ZNF697: variants seen among roughly 807,000 people sequenced by gnomAD.
The protein encoded by ZNF697 is zinc finger protein 697.
Under a neutral mutation model 32.4 loss-of-function variants are expected in ZNF697, and 23 were observed. That is an observed-to-expected ratio of 0.71 (90% CI 0.51 to 1.01). The LOEUF is 1.01. ZNF697 is among the 50% of genes least tolerant of loss of function. The probability of loss-of-function intolerance (pLI) is 0.00; values close to 1 mark genes in which losing one functional copy is unlikely to be tolerated. For synonymous variants in ZNF697, 418 were observed against 337.2 expected, an observed-to-expected ratio of 1.24 and a Z score of -2.62; for missense variants, 930 against 794.0, an observed-to-expected ratio of 1.17 and a Z score of -2.06.
chr1:119,633,392 G>GTA (rs1491434316), intron 1 of ZNF697, among the ~76,000 whole-genome samples: 1 of 144,806 alleles, frequency 6.9e-6, no homozygotes, highest in East Asian at 2.0e-4. Context: ...GTGTGTGTGT[G>GTA]TATAGAGAGA....
At chr1:119,637,005 T>C (rs1389179612) in intron 1 of ZNF697, among the ~76,000 whole-genome samples, 1 of 152,218 alleles carries the variant, frequency 6.6e-6, no homozygotes, top group Non-Finnish European at 1.5e-5. Flanking sequence ...AGCTGCTTAC[T>C]TGGGCAGTGA....
chr1:119,633,334 TC>T (rs1648831505), intron 1 of ZNF697, among the ~76,000 whole-genome samples: 2 of 151,034 alleles, frequency 1.3e-5, no homozygotes, highest in Non-Finnish European at 2.9e-5. Flanking sequence ...TTAATCAGGG[TC>T]CTCCTAAGAG....
At chr1:119,630,006 T>A (rs1037309744) in intron 1 of ZNF697, among the ~76,000 whole-genome samples, 1 of 152,212 alleles carries the variant, frequency 6.6e-6, no homozygotes, top group Non-Finnish European at 1.5e-5. Context: ...CCTGGTTCAG[T>A]AAACCCTAAC....
At position 119,623,623 on chromosome 1, in the gene ZNF697, C is replaced by T. The variant is rs773473489; in HGVS notation, c.720G>A (p.Val240=). 13 of 1,494,388 alleles carry T rather than the reference C, an allele frequency of 8.7e-6. No homozygotes were observed. The South Asian group carries it at 1.6e-4, about 19-fold the overall frequency. 92.6% of individuals were successfully genotyped at this position (1,494,388 alleles called of 1,614,324 possible). A position where few individuals can be genotyped will look rare whatever the true frequency, so the allele number is the denominator to read the frequency against. The change falls in exon 3 of 3, where the codon GTG becomes GTA. Residue 240 remains valine, a synonymous_variant. Coordinates refer to ENST00000421812, the MANE Select transcript of ZNF697 (RefSeq NM_001080470.2). ...ECDAMVGMMG[V]GVAGGFGAGP... ...CGGCCCCGAAGCCCCCCGCCACACC[C>T]ACCCCCATCATGCCCACCATCGCGT... is the stretch of plus-strand genomic sequence containing the variant.
At chr1:119,624,745 C>T (rs587649195) in intron 2 of ZNF697, among the ~76,000 whole-genome samples, 2 of 152,214 alleles carry the variant, frequency 1.3e-5, no homozygotes, top group Admixed American at 1.3e-4. Flanking sequence ...CAGGCTCATG[C>T]CACCACGCCC....
chr1:119,635,602 C>T (rs1032813751), intron 1 of ZNF697, among the ~76,000 whole-genome samples: 10 of 152,130 alleles, frequency 6.6e-5, no homozygotes, highest in Non-Finnish European at 1.2e-4. Flanking sequence ...AATGCTTTAT[C>T]CCCAGGACAG....
chr1:119,635,216 A>C (rs1199965037), intron 1 of ZNF697, among the ~76,000 whole-genome samples: 1 of 152,206 alleles, frequency 6.6e-6, no homozygotes, highest in Non-Finnish European at 1.5e-5. Flanking sequence ...AGAACATAAT[A>C]AAATATCAGT....
intron 1 of ZNF697, among the ~76,000 whole-genome samples, chr1:119,633,738 T>C (rs927401898): frequency 6.6e-6 from 1 of 152,228 alleles, no homozygotes; most frequent in African/African-American, 2.4e-5. Context: ...CCATCATACA[T>C]ACTGTAGCTT....
At chr1:119,639,197 C>CCT (rs1649001626) in intron 1 of ZNF697, among the ~76,000 whole-genome samples, 1 of 152,122 alleles carries the variant, frequency 6.6e-6, no homozygotes, top group South Asian at 2.1e-4. Context: ...TTGACCCATC[C>CCT]CTCACCCCTT....
chr1:119,633,110 C>T (rs1648823026), intron 1 of ZNF697, among the ~76,000 whole-genome samples: 2 of 152,268 alleles, frequency 1.3e-5, no homozygotes, highest in African/African-American at 2.4e-5. Context: ...GAAATCCCTT[C>T]GTTTAACCTT....
At chr1:119,645,228 G>A (rs587770471) in intron 1 of ZNF697, among the ~76,000 whole-genome samples, 1 of 152,256 alleles carries the variant, frequency 6.6e-6, no homozygotes, top group Non-Finnish European at 1.5e-5. Flanking sequence ...TTTCACAATT[G>A]CAATGAATCA....
rs115397610 is a variant in ZNF697 at position 119,645,746 on chromosome 1, G to A, written c.-38+1945C>T. Among the ~76,000 whole-genome samples, 1,336 of 152,146 alleles carry A rather than the reference G, an allele frequency of 8.8e-3. 9 individuals are homozygous for A. Among genetic ancestry groups the A allele is most frequent in the Non-Finnish European group, 0.014 (966 of 68,024 alleles). ...TTATATTAACTCTACATAGTGTGTG[G>A]TACTGAGAAACCTGTTAAGGGGCAG... is the stretch of plus-strand genomic sequence containing the variant. On this transcript the variant is annotated intron_variant, in intron 1 of 2. Coordinates refer to ENST00000421812, the MANE Select transcript of ZNF697 (RefSeq NM_001080470.2).
chr1:119,629,256 T>C (rs971500216), intron 1 of ZNF697, among the ~76,000 whole-genome samples: 1 of 152,226 alleles, frequency 6.6e-6, no homozygotes, highest in African/African-American at 2.4e-5. Context: ...GCAATTACTC[T>C]AGAAGTAATA....
In ZNF697 at chr1:119,623,467, G is replaced by C. The variant is rs1648434109; in HGVS notation, c.876C>G (p.Ala292=). The part of the protein sequence containing the change: ...LHTGERPNLC[A]DCGKSFSWRA... ...GCCAGCTGAAGCTCTTGCCGCAGTC[G>C]GCGCACAGGTTGGGCCGCTCGCCCG... is the stretch of plus-strand genomic sequence containing the variant. Residue 292 remains alanine (A), a synonymous_variant, in exon 3 of 3, where the codon GCC becomes GCG. Transcript: ENST00000421812. 3 of 1,563,184 alleles carry C rather than the reference G, an allele frequency of 1.9e-6. No homozygotes were observed. Among genetic ancestry groups the C allele is most frequent in the Non-Finnish European group, 2.6e-6 (3 of 1,156,268 alleles).
At chr1:119,630,917 G>T (rs1376979788) in intron 1 of ZNF697, among the ~76,000 whole-genome samples, 1 of 152,126 alleles carries the variant, frequency 6.6e-6, no homozygotes, top group Admixed American at 6.5e-5. Context: ...ATCGGGGAGG[G>T]TAACTGAAGC....
At chr1:119,640,376 C>T (rs1171961173) in intron 1 of ZNF697, among the ~76,000 whole-genome samples, 1 of 152,194 alleles carries the variant, frequency 6.6e-6, no homozygotes, top group Non-Finnish European at 1.5e-5. Context: ...ACCTAACTCT[C>T]CCAACTGGAT....
intron 1 of ZNF697, among the ~76,000 whole-genome samples, chr1:119,642,640 T>C (rs760496839): frequency 3.3e-4 from 50 of 152,204 alleles, no homozygotes; most frequent in Non-Finnish European, 6.2e-4. Context: ...TGTAAAAAAT[T>C]GTCTGTGCCA....
At chr1:119,631,539 C>T (rs1648771406) in intron 1 of ZNF697, among the ~76,000 whole-genome samples, 1 of 152,238 alleles carries the variant, frequency 6.6e-6, no homozygotes, top group Non-Finnish European at 1.5e-5. Flanking sequence ...ACCTGGCAGC[C>T]CCGACCAGCA....
chr1:119,623,049 A>C lies in ZNF697; in HGVS notation c.1294T>G (p.Ser432Ala). 6.3e-7 allele frequency: 1 copy of C among 1,576,010 alleles called. No homozygotes were observed. Among genetic ancestry groups the C allele is most frequent in the Non-Finnish European group, 8.6e-7 (1 of 1,163,232 alleles). The part of the protein sequence containing the change: ...SHLFTHKRTH[S>A]GERPYVCREC... ...CGGCACACGTAGGGCCGCTCACCCG[A>C]GTGCGTGCGCTTGTGCGTGAAGAGG... Residue 432 changes from serine (S) to alanine (A), a missense_variant, in exon 3 of 3, where the codon TCG (serine) becomes GCG (alanine). Physicochemically the swap from Ser to Ala is moderately conservative, Grantham distance 99 (BLOSUM62 1). Coordinates refer to ENST00000421812, the MANE Select transcript of ZNF697 (RefSeq NM_001080470.2).
Sources: gnomAD v4.1 joint callset for allele counts (sites outside exome capture counted in the v4.1 genomes callset) on GRCh38, gnomAD v4.1.1 for gene constraint, MANE v1.5 for transcripts, NCBI Gene and HGNC (gene_info 2026-07-23, HGNC 2026-07-21) for gene names.